TEX14: variants seen among roughly 807,000 people sequenced by gnomAD.
TEX14 encodes testis expressed 14, intercellular bridge forming factor.
TEX14 carries 168 observed loss-of-function variants against 178.6 expected under a neutral mutation model. That is an observed-to-expected ratio of 0.94 (90% CI 0.83 to 1.07). The LOEUF (loss-of-function observed/expected upper bound fraction) is 1.07, where lower values mean the gene tolerates loss of function less well. TEX14 is among the 50% of genes least tolerant of loss of function. TEX14 has a pLI of 0.00. For missense variants in TEX14, 1,730 were observed against 1,753.6 expected, an observed-to-expected ratio of 0.99 and a Z score of 0.24; for synonymous variants, 626 against 634.1, an observed-to-expected ratio of 0.99 and a Z score of 0.19.
Position 58,661,270 on chromosome 17 carries a change from G to C in TEX14, c.-1-9268C>G, listed in dbSNP as rs779368757. 5.0e-6 allele frequency: 4 copies of C among 802,350 alleles called. No homozygotes were observed. In the Admixed American group the frequency reaches 6.8e-5, roughly 14 times the overall value. 49.7% of individuals were successfully genotyped at this position (802,350 alleles called of 1,614,324 possible). ...GGCACTGAGTTAAGTATTTTATAAA[G>C]TGTTCGCGAGCCTGCTGCAAATGAT... On this transcript the variant is annotated intron_variant, in intron 1 of 31. Transcript: ENST00000349033.
At chr17:58,588,945 G>C (rs1344084054) in intron 15 of TEX14, among the ~76,000 whole-genome samples, 1 of 152,112 alleles carries the variant, frequency 6.6e-6, no homozygotes, top group African/African-American at 2.4e-5. Flanking sequence ...TCATGAACAT[G>C]TACATTTTAT....
intron 26 of TEX14, among the ~76,000 whole-genome samples, chr17:58,568,600 C>T (rs1274106637): frequency 1.3e-5 from 2 of 152,164 alleles, no homozygotes; most frequent in South Asian, 2.1e-4. Context: ...CCCCAGTTTC[C>T]ATAACAATGT....
chr17:58,572,368 C>T (rs1230457453), intron 23 of TEX14, among the ~76,000 whole-genome samples: 7 of 152,130 alleles, frequency 4.6e-5, no homozygotes, highest in Non-Finnish European at 8.8e-5. Context: ...CGGTGGCTCA[C>T]GCCTGTAATC....
In TEX14 at chr17:58,601,848, T is replaced by C. The variant is rs777736677; in HGVS notation, c.1636A>G (p.Arg546Gly). 3.1e-6 allele frequency: 5 copies of C among 1,613,318 alleles called. No homozygotes were observed. In the Admixed American group the frequency reaches 6.7e-5, roughly 22 times the overall value. The change falls in exon 13 of 32, where the codon AGA becomes GGA. Residue 546 changes from arginine (R) to glycine (G), a missense_variant. Physicochemically the swap from Arg to Gly is moderately radical, Grantham distance 125 (BLOSUM62 -2). This residue lies in a region of TEX14 where 941 missense variants were observed against 1,072.4 expected (regional missense o/e 0.88). Coordinates refer to ENST00000349033, the MANE Select transcript of TEX14 (RefSeq NM_031272.5). ...VYLGLTSEHP[R>G]ETPDMEIIEL... is the part of the protein sequence containing the mutation. ...ATGATTTCCATGTCAGGTGTCTCTC[T>C]GGGGTGTTCTGAAGTCAGTCCTAGA...
chr17:58,636,572 G>A (rs1314719297), intron 2 of TEX14, among the ~76,000 whole-genome samples: 1 of 152,172 alleles, frequency 6.6e-6, no homozygotes, highest in Non-Finnish European at 1.5e-5. Context: ...TTTGCCAGAG[G>A]TCACAAACCA....
Position 58,622,329 on chromosome 17 carries a change from C to T in TEX14, c.417+518G>A, listed in dbSNP as rs558332093. On this transcript the variant is annotated intron_variant, in intron 4 of 31. Coordinates refer to ENST00000349033, the MANE Select transcript of TEX14 (RefSeq NM_031272.5). Reference sequence around the variant, plus strand: ...AGTGTGGTGGTGCATGCTTGTAATCCGAGCTACTCAGGAGGCTGAGGCAGG... The same window carrying T: ...AGTGTGGTGGTGCATGCTTGTAATCTGAGCTACTCAGGAGGCTGAGGCAGG... 9.2e-5 allele frequency among the ~76,000 whole-genome samples: 14 copies of T among 151,946 alleles called. No individual in the cohort carries two copies. The East Asian group carries it at 1.7e-3, about 19-fold the overall frequency.
chr17:58,603,365 C>T (rs2045514916), intron 11 of TEX14, among the ~76,000 whole-genome samples: 1 of 150,438 alleles, frequency 6.6e-6, no homozygotes, highest in South Asian at 2.1e-4. Context: ...ACCAGCCTGG[C>T]CAACACAGTG....
Position 58,613,555 on chromosome 17 carries a change from A to G in TEX14, c.882-11T>C. The G allele has an allele frequency of 6.2e-7, 1 of 1,613,534 alleles. No homozygotes were observed. Among genetic ancestry groups the G allele is most frequent in the Non-Finnish European group, 8.5e-7 (1 of 1,179,828 alleles). ...GGGTGCCGCAGCTTGCTGCAAAAGA[A>G]AAGAAGCTTCAGATAAGGCAGGTGA... On this transcript the variant is annotated splice_polypyrimidine_tract_variant and intron_variant, in intron 8 of 31. Transcript: ENST00000349033.
chr17:58,679,456 G>T (rs879046185), intron 1 of TEX14: 1 of 152,076 alleles, frequency 6.6e-6, no homozygotes, highest in African/African-American at 2.4e-5. Flanking sequence ...CAAAACAGGA[G>T]GTTACAATAT....
intron 1 of TEX14, among the ~76,000 whole-genome samples, chr17:58,678,266 G>A (rs2047428610): frequency 6.6e-6 from 1 of 152,182 alleles, no homozygotes; most frequent in Non-Finnish European, 1.5e-5. Context: ...AGACAGTGTG[G>A]CGATTCCTCA....
intron 1 of TEX14, chr17:58,666,622 C>G (rs890098928): frequency 2.0e-5 from 3 of 152,164 alleles, no homozygotes; most frequent in African/African-American, 7.2e-5. Context: ...GGGATCAGCA[C>G]AAAGTGCAAC....
intron 3 of TEX14, among the ~76,000 whole-genome samples, chr17:58,629,804 C>T (rs574147203): frequency 1.6e-3 from 238 of 150,676 alleles, no homozygotes; most frequent in Non-Finnish European, 2.6e-3. Flanking sequence ...CACTGCACTC[C>T]AGCCTGGGCG....
At chr17:58,592,282 T>A (rs2045165900) in intron 15 of TEX14, among the ~76,000 whole-genome samples, 1 of 151,562 alleles carries the variant, frequency 6.6e-6, no homozygotes, top group Non-Finnish European at 1.5e-5. Flanking sequence ...AAGGCTGGAG[T>A]GCAGTGGTGC....
At position 58,602,588 on chromosome 17, in the gene TEX14, C is replaced by T; in HGVS notation, c.1339G>A (p.Asp447Asn). Reference sequence around the variant, plus strand: ...CCATCTAAGCCCTTCCAGGGTATGTCATCTGTAAGGAAAAAGTCATACAAA... The same window carrying T: ...CCATCTAAGCCCTTCCAGGGTATGTTATCTGTAAGGAAAAAGTCATACAAA... ...SMIMQEILTD[D>N]IPWKGLDGSV... The change falls in exon 12 of 32, where the codon GAC (aspartate) becomes AAC (asparagine). Residue 447 changes from aspartate (D) to asparagine (N), a missense_variant and splice_region_variant. Around this residue, in one of 2 missense-constraint regions of TEX14, gnomAD observed 789 missense variants for 681.2 expected, o/e 1.16. Coordinates refer to ENST00000349033, the MANE Select transcript of TEX14 (RefSeq NM_031272.5). 6.2e-7 allele frequency: 1 copy of T among 1,606,492 alleles called. No individual in the cohort carries two copies. Among genetic ancestry groups the T allele is most frequent in the Non-Finnish European group, 8.5e-7 (1 of 1,176,158 alleles).
intron 1 of TEX14, among the ~76,000 whole-genome samples, chr17:58,666,127 G>A (rs2047199190): frequency 6.6e-6 from 1 of 151,638 alleles, no homozygotes; most frequent in Non-Finnish European, 1.5e-5. Context: ...TGGATCACTT[G>A]AGGACAAGAG....
rs570962678 is a variant in TEX14, at chr17:58,626,393, C to T, written c.252-3381G>A. On this transcript the variant is annotated intron_variant, in intron 3 of 31. Coordinates refer to ENST00000349033, the MANE Select transcript of TEX14 (RefSeq NM_031272.5). ...CCAGCTTAGCCAACATGGTGAAACC[C>T]CGTCTCTACTAAAAATACAAACAAA... 9.3e-5 allele frequency among the ~76,000 whole-genome samples: 14 copies of T among 150,892 alleles called. No individual in the cohort carries two copies. In the East Asian group the frequency reaches 2.6e-3, roughly 28 times the overall value.
Position 58,569,403 on chromosome 17 carries a change from A to G in TEX14, c.3818-143T>C, listed in dbSNP as rs1169044949. ...TAAGGAGGAAGGAAGCCTCTTACAT[A>G]ATAGTTCCAGTAGAGACCTCCTAAC... On this transcript the variant is annotated intron_variant, in intron 25 of 31. Coordinates refer to ENST00000349033, the MANE Select transcript of TEX14 (RefSeq NM_031272.5). The surrounding 1 kb of genome is among the most constrained non-coding windows in gnomAD (Gnocchi z 4.1). 1 of 649,708 alleles carries G rather than the reference A, an allele frequency of 1.5e-6. No homozygotes were observed. The highest frequency in any genetic ancestry group is 2.7e-6 in the Non-Finnish European group (1 of 369,616). The allele number at this position is 649,708 out of a possible 1,614,324, so 40.2% of individuals were successfully genotyped here. A position where few individuals can be genotyped will look rare whatever the true frequency, so the allele number is the denominator to read the frequency against.
chr17:58,616,962 G>A (rs2045886422), intron 6 of TEX14, among the ~76,000 whole-genome samples: 1 of 152,142 alleles, frequency 6.6e-6, no homozygotes, highest in Admixed American at 6.6e-5. Context: ...AACAGAACGG[G>A]GAGTAGGGCT....
intron 1 of TEX14, chr17:58,666,651 G>GA (rs1567767816): frequency 2.0e-5 from 3 of 152,186 alleles, no homozygotes; most frequent in East Asian, 1.9e-4. Flanking sequence ...CACACACAGG[G>GA]AAAAACCACC....
Sources: allele counts gnomAD v4.1 joint callset (sites outside exome capture counted in the v4.1 genomes callset), GRCh38; gene constraint gnomAD v4.1.1; regional missense constraint gnomAD v4.1.1; non-coding constraint Gnocchi (gnomAD v3.1); transcripts MANE v1.5; gene names NCBI Gene and HGNC (gene_info 2026-07-23, HGNC 2026-07-21).